DDI2: variants seen among roughly 807,000 people sequenced by gnomAD.
DDI2 encodes the protein DDI proteasomal shuttling factor 2.
A neutral mutation model predicts 48.1 loss-of-function variants in DDI2; 5 were observed. That is an observed-to-expected ratio of 0.10 (90% CI 0.05 to 0.22). The LOEUF is 0.22. Ranked by LOEUF, DDI2 falls within the 10% of genes least tolerant of loss-of-function variation. The probability of loss-of-function intolerance (pLI) is 1.00; values close to 1 mark genes in which losing one functional copy is unlikely to be tolerated. For missense variants in DDI2, 285 were observed against 506.2 expected, an observed-to-expected ratio of 0.56 and a Z score of 4.19; for synonymous variants, 205 against 183.6, an observed-to-expected ratio of 1.12 and a Z score of -0.94.
At chr1:15,640,500 C>A (rs1273118758) in intron 5 of DDI2, among the ~76,000 whole-genome samples, 1 of 152,176 alleles carries the variant, frequency 6.6e-6, no homozygotes. Context: ...CCAGAAATCT[C>A]AACCACTGTG....
chr1:15,649,118 C>T (rs1570985522), intron 6 of DDI2, among the ~76,000 whole-genome samples: 3 of 152,138 alleles, frequency 2.0e-5, no homozygotes, highest in East Asian at 1.9e-4. Context: ...AATCCCAGCA[C>T]GTTGGGAGGC....
In DDI2 at chr1:15,662,170, C is replaced by G. The variant is rs564887836; in HGVS notation, c.*2380C>G. 6.5e-6 allele frequency: 1 copy of G among 154,812 alleles called. No individual in the cohort carries two copies. The highest frequency in any genetic ancestry group is 1.9e-4 in the East Asian group (1 of 5,208). The allele number at this position is 154,812 out of a possible 1,614,324, so 9.6% of individuals were successfully genotyped here. On this transcript the variant is annotated 3_prime_UTR_variant, in exon 10 of 10. Coordinates refer to ENST00000480945, the MANE Select transcript of DDI2 (RefSeq NM_032341.5). ...CTGATGGCAAGGTATGGTTTGCTGG[C>G]TCAGTTGTCAATTTAGAAACTTTTG...
rs1471795683 is a variant in DDI2 at position 15,617,666 on chromosome 1, G to A, written c.-5G>A. 2.6e-5 allele frequency: 39 copies of A among 1,509,138 alleles called. No homozygotes were observed. Among genetic ancestry groups the A allele is most frequent in the Non-Finnish European group, 3.2e-5 (36 of 1,123,226 alleles). 93.5% of individuals were successfully genotyped at this position (1,509,138 alleles called of 1,614,324 possible). On this transcript the variant is annotated 5_prime_UTR_variant, in exon 1 of 10. Coordinates refer to ENST00000480945, the MANE Select transcript of DDI2 (RefSeq NM_032341.5). ...AGCCGAGCCGAGCCGGGTCGGGCCC[G>A]GGCCATGCTGCTCACCGTGTACTGT...
At chr1:15,621,645 C>T (rs1639669350) in intron 1 of DDI2, among the ~76,000 whole-genome samples, 1 of 152,178 alleles carries the variant, frequency 6.6e-6, no homozygotes, top group Non-Finnish European at 1.5e-5. Flanking sequence ...CTTGGCCTCC[C>T]AGAGTGCTGG....
intron 6 of DDI2, among the ~76,000 whole-genome samples, chr1:15,647,283 G>T (rs1319272949): frequency 6.6e-6 from 1 of 151,976 alleles, no homozygotes; most frequent in South Asian, 2.1e-4. Context: ...GAATAGCTGG[G>T]ATTACAGGCA....
rs915402109 is a variant in DDI2, at chr1:15,668,930, C to G, written c.*9140C>G. The G allele has an allele frequency of 2.6e-5, 4 of 152,006 alleles. No individual in the cohort carries two copies. The highest frequency in any genetic ancestry group is 9.7e-5 in the African/African-American group (4 of 41,354). The allele number at this position is 152,006 out of a possible 1,614,324, so 9.4% of individuals were successfully genotyped here. A position where few individuals can be genotyped will look rare whatever the true frequency, so the allele number is the denominator to read the frequency against. ...GTCACATACTGAAATGTAAGTCAGC[C>G]CTAAATAATCAAAACACTTTATTTT... On this transcript the variant is annotated 3_prime_UTR_variant, in exon 10 of 10. Coordinates refer to ENST00000480945, the MANE Select transcript of DDI2 (RefSeq NM_032341.5).
At chr1:15,620,165 T>A (rs946256693) in intron 1 of DDI2, among the ~76,000 whole-genome samples, 1 of 152,208 alleles carries the variant, frequency 6.6e-6, no homozygotes, top group Non-Finnish European at 1.5e-5. Flanking sequence ...AAACTTGGGC[T>A]CCAACTGGTG....
chr1:15,651,943 C>A, intron 8 of DDI2, 48 bp downstream of exon 8: 1 of 1,565,424 alleles, frequency 6.4e-7, no homozygotes, highest in Non-Finnish European at 8.7e-7. Context: ...GATGGGTAAG[C>A]CCGGGAAGTG....
intron 4 of DDI2, among the ~76,000 whole-genome samples, chr1:15,635,466 C>T (rs1639913411): frequency 6.6e-6 from 1 of 152,152 alleles, no homozygotes; most frequent in South Asian, 2.1e-4. Context: ...AGTTCAGTGG[C>T]ACGATCTCGG....
intron 3 of DDI2, 90 bp from the exon 4 acceptor site, chr1:15,633,349 T>G: frequency 2.8e-6 from 4 of 1,447,798 alleles, no homozygotes; most frequent in Non-Finnish European, 3.8e-6. Context: ...CTCTTACAGA[T>G]GTAGTTTGAT....
Position 15,633,759 on chromosome 1 carries a change from A to T in DDI2, c.632+194A>T, listed in dbSNP as rs763877509. ...TTTCGATTTGACATGACAAAGATAT[A>T]GGTGCTTAGTTTAATGACTTTCTTT... On this transcript the variant is annotated intron_variant, in intron 4 of 9. Transcript: ENST00000480945. The T allele has an allele frequency of 1.3e-5, 10 of 756,930 alleles. No individual in the cohort carries two copies. In the South Asian group the frequency reaches 1.4e-4, roughly 10 times the overall value. The allele number at this position is 756,930 out of a possible 1,614,324, so 46.9% of individuals were successfully genotyped here.
At chr1:15,636,433 T>TGTTG (rs1553153754) in intron 4 of DDI2, among the ~76,000 whole-genome samples, 1 of 152,054 alleles carries the variant, frequency 6.6e-6, no homozygotes, top group East Asian at 1.9e-4. Flanking sequence ...GAGGTTTATT[T>TGTTG]TTTGTTTGTT....
At position 15,649,707 on chromosome 1, in the gene DDI2, A is replaced by C. The variant is rs746737771; in HGVS notation, c.890-13A>C. ...TACGTAACAATAACCTTTTCTCTTC[A>C]TGTGCTTTTTAGCTCAGGTTCAGAT... is the stretch of plus-strand genomic sequence containing the variant. On this transcript the variant is annotated splice_polypyrimidine_tract_variant and intron_variant, in intron 6 of 9. Coordinates refer to ENST00000480945, the MANE Select transcript of DDI2 (RefSeq NM_032341.5). 6.2e-7 allele frequency: 1 copy of C among 1,604,762 alleles called. No homozygotes were observed.
chr1:15,644,591 T>G (rs1165546756), intron 6 of DDI2, among the ~76,000 whole-genome samples: 3 of 120,630 alleles, frequency 2.5e-5, no homozygotes, highest in African/African-American at 7.5e-5. Flanking sequence ...TTTTTTGTTT[T>G]TTTTTTTTTT....
At position 15,664,824 on chromosome 1, in the gene DDI2, G is replaced by C. The variant is rs1272272073; in HGVS notation, c.*5034G>C. 1 of 152,148 alleles carries C rather than the reference G, an allele frequency of 6.6e-6. No individual in the cohort carries two copies. Among genetic ancestry groups the C allele is most frequent in the African/African-American group, 2.4e-5 (1 of 41,430 alleles). 9.4% of individuals were successfully genotyped at this position (152,148 alleles called of 1,614,324 possible). ...GGTTCTTGAGCGGAAAGATGTGCTT[G>C]GTAACCAGACAGCAGCTTTACATAG... is the stretch of plus-strand genomic sequence containing the variant. On this transcript the variant is annotated 3_prime_UTR_variant, in exon 10 of 10. Transcript: ENST00000480945.
chr1:15,621,403 G>A (rs566923628), intron 1 of DDI2, among the ~76,000 whole-genome samples: 1 of 151,954 alleles, frequency 6.6e-6, no homozygotes, highest in African/African-American at 2.4e-5. Flanking sequence ...CTGTGTGTTT[G>A]TTTTTTTGAG....
chr1:15,621,383 A>G (rs1338301007), intron 1 of DDI2, among the ~76,000 whole-genome samples: 1 of 151,864 alleles, frequency 6.6e-6, no homozygotes, highest in Non-Finnish European at 1.5e-5. Context: ...GTAAACCACT[A>G]TTTTATCTTC....
intron 3 of DDI2, among the ~76,000 whole-genome samples, chr1:15,631,749 G>A (rs950958526): frequency 1.3e-5 from 2 of 151,610 alleles, no homozygotes; most frequent in South Asian, 2.1e-4. Flanking sequence ...TTAGTTTCCC[G>A]TATTTTTAAA....
rs1030522806 is a variant in DDI2, at chr1:15,665,364, T to C, written c.*5574T>C. 6.6e-6 allele frequency: 1 copy of C among 152,102 alleles called. No homozygotes were observed. The highest frequency in any genetic ancestry group is 6.6e-5 in the Admixed American group (1 of 15,262). 9.4% of individuals were successfully genotyped at this position (152,102 alleles called of 1,614,324 possible). ...CTTCTGCCTTGCAGCCCACATCTTC[T>C]AGAGCTCCCTGTCTTCATATGTACT... On this transcript the variant is annotated 3_prime_UTR_variant, in exon 10 of 10. Coordinates refer to ENST00000480945, the MANE Select transcript of DDI2 (RefSeq NM_032341.5).
Sources: allele counts gnomAD v4.1 joint callset (sites outside exome capture counted in the v4.1 genomes callset), GRCh38; gene constraint gnomAD v4.1.1; transcripts MANE v1.5; gene names NCBI Gene and HGNC (gene_info 2026-07-23, HGNC 2026-07-21).